The following POU6F2 variants were observed in gnomAD, a reference collection of about 807,000 sequenced individuals.
POU6F2 encodes the protein POU domain, class 6, transcription factor 2.
POU6F2 carries 31 observed loss-of-function variants against 71.3 expected under a neutral mutation model. The ratio of observed to expected loss-of-function variants is 0.43; its 90% CI spans 0.33 to 0.59. POU6F2 has a LOEUF of 0.59. Ranked by LOEUF, POU6F2 falls within the 20% of genes least tolerant of loss-of-function variation. POU6F2 has a pLI of 0.04. For missense variants in POU6F2, 783 were observed against 856.8 expected (o/e 0.91, Z 1.07); for synonymous variants, 347 against 355.7 (o/e 0.98, Z 0.27).
intron 1 of POU6F2, among the ~76,000 whole-genome samples, chr7:39,031,711 T>C (rs1789946639): frequency 6.6e-6 from 1 of 151,828 alleles, no homozygotes. Context: ...CAAAACCCCG[T>C]CTCTAATAAA....
At chr7:39,318,671 A>G (rs900681052) in intron 4 of POU6F2, among the ~76,000 whole-genome samples, 1 of 152,206 alleles carries the variant, frequency 6.6e-6, no homozygotes, top group East Asian at 1.9e-4. Flanking sequence ...GGTTAGTGCA[A>G]TCACTACATG....
intron 2 of POU6F2, among the ~76,000 whole-genome samples, chr7:39,118,580 A>C (rs2128727071): frequency 6.6e-6 from 1 of 152,308 alleles, no homozygotes; most frequent in Non-Finnish European, 1.5e-5. Flanking sequence ...GAAATCTACC[A>C]GTTGTTTTCA....
At chr7:39,285,767 G>T (rs1168430376) in intron 4 of POU6F2, among the ~76,000 whole-genome samples, 1 of 152,192 alleles carries the variant, frequency 6.6e-6, no homozygotes, top group Non-Finnish European at 1.5e-5. Context: ...ACAAGATGCT[G>T]AAGTTTCTCA....
At chr7:39,115,996 C>T (rs920584133) in intron 2 of POU6F2, among the ~76,000 whole-genome samples, 1 of 152,104 alleles carries the variant, frequency 6.6e-6, no homozygotes, top group African/African-American at 2.4e-5. Flanking sequence ...ATTCACTGTC[C>T]TACAGAGGAT....
At chr7:39,100,880 G>A (rs1260851982) in intron 2 of POU6F2, among the ~76,000 whole-genome samples, 2 of 152,004 alleles carry the variant, frequency 1.3e-5, no homozygotes, top group Non-Finnish European at 2.9e-5. Flanking sequence ...ATGATGTTGG[G>A]AAAACAAATA....
At chr7:39,006,852 G>C in intron 1 of POU6F2, 1 of 1,613,720 alleles carries the variant, frequency 6.2e-7, no homozygotes, top group Non-Finnish European at 8.5e-7. Context: ...AGTGGCAAAT[G>C]AGTGCTCTTC....
rs1275348753 is a variant in POU6F2 at position 39,465,172 on chromosome 7, T to G, written c.*486T>G. 6.4e-6 allele frequency: 1 copy of G among 155,556 alleles called. No individual in the cohort carries two copies. The highest frequency in any genetic ancestry group is 2.4e-5 in the African/African-American group (1 of 41,470). 9.6% of individuals were successfully genotyped at this position (155,556 alleles called of 1,614,324 possible). ...CCACCTGGAGGAAGGACTGCACCCC[T>G]TCAGGTACTAAGTGCTGATTCACTA... On this transcript the variant is annotated 3_prime_UTR_variant, in exon 10 of 10. Transcript: ENST00000518318.
At chr7:39,395,165 G>C (rs1220910040) in intron 5 of POU6F2, among the ~76,000 whole-genome samples, 1 of 152,092 alleles carries the variant, frequency 6.6e-6, no homozygotes, top group Non-Finnish European at 1.5e-5. Flanking sequence ...CATTGCCTAT[G>C]AACAAAGAGG....
At chr7:39,014,092 A>G (rs920508743) in intron 1 of POU6F2, among the ~76,000 whole-genome samples, 5 of 152,218 alleles carry the variant, frequency 3.3e-5, no homozygotes, top group Non-Finnish European at 7.3e-5. Context: ...CCAGAAAATC[A>G]AATATGGATG....
intron 2 of POU6F2, among the ~76,000 whole-genome samples, chr7:39,088,358 T>C (rs1432462757): frequency 6.6e-6 from 1 of 152,212 alleles, no homozygotes; most frequent in Non-Finnish European, 1.5e-5. Flanking sequence ...TTAGCAATTC[T>C]AGTTTACGTA....
chr7:39,030,629 C>T (rs1483079084), intron 1 of POU6F2, among the ~76,000 whole-genome samples: 1 of 147,408 alleles, frequency 6.8e-6, no homozygotes, highest in East Asian at 2.0e-4. Context: ...CTTCCAAGTT[C>T]TTGCAATTAT....
At chr7:39,030,234 G>T (rs1789906656) in intron 1 of POU6F2, among the ~76,000 whole-genome samples, 1 of 151,466 alleles carries the variant, frequency 6.6e-6, no homozygotes, top group Non-Finnish European at 1.5e-5. Flanking sequence ...ATCCCTTTCT[G>T]TGTTTTTTGG....
chr7:39,275,712 C>T (rs1034991587), intron 4 of POU6F2, among the ~76,000 whole-genome samples: 7 of 152,104 alleles, frequency 4.6e-5, no homozygotes, highest in African/African-American at 1.7e-4. Context: ...ACATATAGAT[C>T]AATGGAACAG....
intron 4 of POU6F2, among the ~76,000 whole-genome samples, chr7:39,286,500 G>A (rs1583497994): frequency 6.6e-6 from 1 of 152,180 alleles, no homozygotes; most frequent in South Asian, 2.1e-4. Flanking sequence ...TTCTGTAAAT[G>A]GTGTGTCTTT....
Position 39,468,388 on chromosome 7 carries a change from C to G in POU6F2, c.*3702C>G, listed in dbSNP as rs997123384. The G allele has an allele frequency of 2.0e-5, 3 of 151,382 alleles. No individual in the cohort carries two copies. Among genetic ancestry groups the G allele is most frequent in the African/African-American group, 7.3e-5 (3 of 41,138 alleles). 9.4% of individuals were successfully genotyped at this position (151,382 alleles called of 1,614,324 possible). On this transcript the variant is annotated 3_prime_UTR_variant, in exon 10 of 10. Transcript: ENST00000518318. ...ATAGACTTGTGACCAAGAAGCCAAA[C>G]TGAATATTTAAAAGCTCCTTACTTG... is the stretch of plus-strand genomic sequence containing the variant.
At chr7:39,052,114 C>A (rs1790411558) in intron 1 of POU6F2, among the ~76,000 whole-genome samples, 1 of 152,122 alleles carries the variant, frequency 6.6e-6, no homozygotes, top group Admixed American at 6.6e-5. Flanking sequence ...AGCCTTGGAA[C>A]AACAGCAGAG....
At chr7:39,025,727 A>G (rs1047790274) in intron 1 of POU6F2, among the ~76,000 whole-genome samples, 2 of 150,820 alleles carry the variant, frequency 1.3e-5, no homozygotes, top group African/African-American at 2.4e-5. Context: ...AGCAATGGCA[A>G]CAAAAGCCAA....
At chr7:39,423,017 T>C (rs2115978479) in intron 6 of POU6F2, among the ~76,000 whole-genome samples, 1 of 152,326 alleles carries the variant, frequency 6.6e-6, no homozygotes, top group East Asian at 1.9e-4. Flanking sequence ...GAATTCTAAT[T>C]GGAATAAAAA....
At chr7:39,445,490 C>G (rs764288135) in intron 7 of POU6F2, among the ~76,000 whole-genome samples, 1 of 152,168 alleles carries the variant, frequency 6.6e-6, no homozygotes, top group African/African-American at 2.4e-5. Flanking sequence ...CTCTTCCCAC[C>G]TTCCGTGTCT....
Sources: allele counts gnomAD v4.1 joint callset (sites outside exome capture counted in the v4.1 genomes callset), GRCh38; gene constraint gnomAD v4.1.1; transcripts MANE v1.5; gene names NCBI Gene and HGNC (gene_info 2026-07-23, HGNC 2026-07-21).